The following MPHOSPH6 variants were observed in gnomAD, a reference collection of about 807,000 sequenced individuals.
MPHOSPH6 encodes the protein M-phase phosphoprotein 6.
MPHOSPH6 carries 25 observed loss-of-function variants against 21.8 expected under a neutral mutation model. The observed-to-expected ratio is 1.15, with a 90% CI of 0.83 to 1.60. MPHOSPH6 has a LOEUF of 1.60. Ranked by LOEUF, MPHOSPH6 falls within the 40% of genes most tolerant of loss-of-function variation. MPHOSPH6 has a pLI of 0.00. For synonymous variants in MPHOSPH6, 84 were observed against 56.5 expected (o/e 1.49, Z -2.18); for missense variants, 269 against 181.8 (o/e 1.48, Z -2.76).
intron 2 of MPHOSPH6, among the ~76,000 whole-genome samples, chr16:82,151,790 C>A (rs1906273259): frequency 6.6e-6 from 1 of 152,204 alleles, no homozygotes; most frequent in Non-Finnish European, 1.5e-5. Flanking sequence ...AAAGTATTGA[C>A]AATAAACTTG....
rs1906145834 is a variant in MPHOSPH6, at chr16:82,148,255, G to T, written c.*476C>A. ...TAATACCATAAACTGACAATGACCTGGGAGCATGTAAATACTTAAGGCTGG... is the reference window on the plus strand; with the variant it reads ...TAATACCATAAACTGACAATGACCTTGGAGCATGTAAATACTTAAGGCTGG... On this transcript the variant is annotated 3_prime_UTR_variant, in exon 5 of 5. Transcript: ENST00000258169. 6.6e-6 allele frequency: 1 copy of T among 152,370 alleles called. No homozygotes were observed. Among genetic ancestry groups the T allele is most frequent in the African/African-American group, 2.4e-5 (1 of 41,434 alleles). 9.4% of individuals were successfully genotyped at this position (152,370 alleles called of 1,614,324 possible). A position where few individuals can be genotyped will look rare whatever the true frequency, so the allele number is the denominator to read the frequency against.
intron 2 of MPHOSPH6, among the ~76,000 whole-genome samples, chr16:82,160,418 C>T (rs1403067494): frequency 6.6e-6 from 1 of 152,206 alleles, no homozygotes; most frequent in Non-Finnish European, 1.5e-5. Flanking sequence ...CTCAGTGGGT[C>T]TCACATTCCT....
chr16:82,157,292 T>C (rs998819279), intron 2 of MPHOSPH6, among the ~76,000 whole-genome samples: 10 of 152,202 alleles, frequency 6.6e-5, no homozygotes, highest in Non-Finnish European at 1.2e-4. Flanking sequence ...TACCGTGGTG[T>C]ATCTGTAAAA....
At chr16:82,153,220 A>G (rs1379518656) in intron 2 of MPHOSPH6, among the ~76,000 whole-genome samples, 1 of 152,250 alleles carries the variant, frequency 6.6e-6, no homozygotes, top group Admixed American at 6.5e-5. Flanking sequence ...TGAAACATTT[A>G]TATCACACAA....
chr16:82,162,675 CT>C (rs779420700), intron 2 of MPHOSPH6, among the ~76,000 whole-genome samples: 22 of 152,350 alleles, frequency 1.4e-4, no homozygotes, highest in Admixed American at 3.3e-4. Context: ...AGGGGCCCCC[CT>C]ATGCCCCACC....
At chr16:82,169,705 G>A (rs981189090) in intron 1 of MPHOSPH6, among the ~76,000 whole-genome samples, 21 of 152,210 alleles carry the variant, frequency 1.4e-4, no homozygotes, top group Admixed American at 1.1e-3. Flanking sequence ...TAAAGATGAG[G>A]AAAAGAGATA....
At chr16:82,151,637 A>G in intron 2 of MPHOSPH6, 123 bp from the exon 3 acceptor site, 1 of 1,294,180 alleles carries the variant, frequency 7.7e-7, no homozygotes, top group African/African-American at 1.5e-5. Flanking sequence ...AAATACAGTA[A>G]GATTTCTAAC....
intron 2 of MPHOSPH6, among the ~76,000 whole-genome samples, chr16:82,153,635 G>A (rs1336133135): frequency 6.6e-6 from 1 of 152,194 alleles, no homozygotes; most frequent in Non-Finnish European, 1.5e-5. Flanking sequence ...ATGGAATTCA[G>A]GACCTGCATA....
chr16:82,159,611 T>G (rs1906543198), intron 2 of MPHOSPH6, among the ~76,000 whole-genome samples: 1 of 152,172 alleles, frequency 6.6e-6, no homozygotes, highest in Admixed American at 6.5e-5. Flanking sequence ...TTTCACCATG[T>G]TAACCATGAT....
intron 3 of MPHOSPH6, 107 bp from the exon 4 acceptor site, chr16:82,149,510 A>G (rs1209992755): frequency 3.3e-6 from 3 of 919,624 alleles, no homozygotes; most frequent in African/African-American, 1.6e-5. Flanking sequence ...AATCTAGAGA[A>G]CTAGTCAAAA....
chr16:82,164,066 A>C lies in MPHOSPH6; in HGVS notation c.164+16T>G, dbSNP rs932977576. On this transcript the variant is annotated intron_variant, in intron 2 of 4. Coordinates refer to ENST00000258169, the MANE Select transcript of MPHOSPH6 (RefSeq NM_005792.2). ...AATGCCACAAGCATCATCAGTATCA[A>C]TTTTAATAAACCTACTCTTTCTCTT... is the stretch of plus-strand genomic sequence containing the variant. The C allele has an allele frequency of 6.4e-7, 1 of 1,563,908 alleles. No homozygotes were observed. Among genetic ancestry groups the C allele is most frequent in the African/African-American group, 1.4e-5 (1 of 73,598 alleles).
chr16:82,155,975 G>C (rs1339241279), intron 2 of MPHOSPH6, among the ~76,000 whole-genome samples: 1 of 151,800 alleles, frequency 6.6e-6, no homozygotes. Flanking sequence ...TCTACCTCAT[G>C]CTGTACACAA....
intron 1 of MPHOSPH6, among the ~76,000 whole-genome samples, chr16:82,169,825 T>C (rs944754035): frequency 6.6e-6 from 1 of 152,190 alleles, no homozygotes; most frequent in African/African-American, 2.4e-5. Context: ...AGAAGCTCGG[T>C]GAGTCCCCAA....
At chr16:82,150,553 G>T (rs1166268992) in intron 3 of MPHOSPH6, among the ~76,000 whole-genome samples, 1 of 152,208 alleles carries the variant, frequency 6.6e-6, no homozygotes, top group African/African-American at 2.4e-5. Context: ...CTAGAGAAGT[G>T]GTTCTTAACT....
chr16:82,149,670 C>T (rs944244352), intron 3 of MPHOSPH6, among the ~76,000 whole-genome samples: 2 of 152,192 alleles, frequency 1.3e-5, no homozygotes, highest in East Asian at 1.9e-4. Flanking sequence ...GTATTAGTTA[C>T]TCATATTTAA....
chr16:82,163,017 C>A (rs900824312), intron 2 of MPHOSPH6, among the ~76,000 whole-genome samples: 1 of 152,186 alleles, frequency 6.6e-6, no homozygotes, highest in Admixed American at 6.5e-5. Context: ...ACTATCTTCT[C>A]CCTCCTCACC....
At position 82,164,984 on chromosome 16, in the gene MPHOSPH6, A is replaced by C. The variant is rs1906719037; in HGVS notation, c.52-790T>G. On this transcript the variant is annotated intron_variant, in intron 1 of 4. Coordinates refer to ENST00000258169, the MANE Select transcript of MPHOSPH6 (RefSeq NM_005792.2). ...CAAACTTAAGAGGCTAACCACAGCA[A>C]CAAGATAAAATATCAACACTGGAGA... The C allele has an allele frequency of 1.3e-5, 2 of 152,304 alleles. 1 individual carries two copies. Among genetic ancestry groups the C allele is most frequent in the South Asian group, 4.1e-4 (2 of 4,826 alleles). The allele number at this position is 152,304 out of a possible 1,614,324, so 9.4% of individuals were successfully genotyped here. A position where few individuals can be genotyped will look rare whatever the true frequency, so the allele number is the denominator to read the frequency against.
Position 82,148,629 on chromosome 16 carries a change from A to C in MPHOSPH6, c.*102T>G. Reference sequence around the variant, plus strand: ...AAAATGATAATCTCTTTACAAGTAAACGTTACAGTATTAATAACTATAGAG... The same window carrying C: ...AAAATGATAATCTCTTTACAAGTAACCGTTACAGTATTAATAACTATAGAG... On this transcript the variant is annotated 3_prime_UTR_variant, in exon 5 of 5. Transcript: ENST00000258169. 2 of 1,351,088 alleles carry C rather than the reference A, an allele frequency of 1.5e-6. No homozygotes were observed. The highest frequency in any genetic ancestry group is 1.0e-6 in the Non-Finnish European group (1 of 1,002,264). 83.7% of individuals were successfully genotyped at this position (1,351,088 alleles called of 1,614,324 possible).
intron 2 of MPHOSPH6, among the ~76,000 whole-genome samples, chr16:82,153,664 T>G (rs897098950): frequency 6.6e-6 from 1 of 152,242 alleles, no homozygotes; most frequent in Non-Finnish European, 1.5e-5. Flanking sequence ...CCTTGAATCT[T>G]TGGCTGACCA....
Sources: allele counts gnomAD v4.1 joint callset (sites outside exome capture counted in the v4.1 genomes callset), GRCh38; gene constraint gnomAD v4.1.1; transcripts MANE v1.5; gene names NCBI Gene and HGNC (gene_info 2026-07-23, HGNC 2026-07-21).